ZBTB7A: variants seen among roughly 807,000 people sequenced by gnomAD.
The protein encoded by ZBTB7A is zinc finger and BTB domain-containing protein 7A.
In ZBTB7A, 7 loss-of-function variants were observed where a neutral mutation model predicts 26.7. That is an observed-to-expected ratio of 0.26 (90% CI 0.15 to 0.49). ZBTB7A has a LOEUF of 0.49. Ranked by LOEUF, ZBTB7A falls within the 20% of genes least tolerant of loss-of-function variation. The pLI, the probability that ZBTB7A is intolerant of heterozygous loss-of-function variation, is 0.98. For missense variants in ZBTB7A, 617 were observed against 919.5 expected, an observed-to-expected ratio of 0.67 and a Z score of 4.25; for synonymous variants, 452 against 441.0, an observed-to-expected ratio of 1.02 and a Z score of -0.31.
intron 1 of ZBTB7A, among the ~76,000 whole-genome samples, chr19:4,059,697 A>G (rs1261272607): frequency 2.0e-5 from 3 of 151,970 alleles, no homozygotes; most frequent in Non-Finnish European, 4.4e-5. Flanking sequence ...ACTCGCTCTG[A>G]GACAACTGAC....
rs958877531 is a variant in ZBTB7A at position 4,048,559 on chromosome 19, G to A, written c.1263-315C>T. On this transcript the variant is annotated intron_variant, in intron 2 of 2. Coordinates refer to ENST00000322357, the MANE Select transcript of ZBTB7A (RefSeq NM_015898.4). The surrounding 1 kb of genome is among the most constrained non-coding windows in gnomAD (Gnocchi z 6.7). ...AAGAGACAAAGTCTAGGCCAGGCGC[G>A]GAGGCTCAGGCCTGAAATCCCAGCA... 6.6e-6 allele frequency among the ~76,000 whole-genome samples: 1 copy of A among 152,028 alleles called. No individual in the cohort carries two copies. The highest frequency in any genetic ancestry group is 2.4e-5 in the African/African-American group (1 of 41,396).
chr19:4,064,697 G>T (rs2040674075), intron 1 of ZBTB7A, among the ~76,000 whole-genome samples: 1 of 152,136 alleles, frequency 6.6e-6, no homozygotes, highest in Admixed American at 6.5e-5. Flanking sequence ...GAGGCAGCTG[G>T]CAGGGAGGTG....
intron 2 of ZBTB7A, among the ~76,000 whole-genome samples, chr19:4,053,211 A>T (rs1475632813): frequency 1.3e-5 from 2 of 152,212 alleles, no homozygotes; most frequent in African/African-American, 4.8e-5. Context: ...CACGCTTTGC[A>T]TATGATGTGG....
At position 4,054,051 on chromosome 19, in the gene ZBTB7A, G is replaced by A. The variant is rs1386906156; in HGVS notation, c.1182C>T (p.Ala394=). 3.7e-6 allele frequency: 6 copies of A among 1,612,350 alleles called. No individual in the cohort carries two copies. The Admixed American group carries it at 6.7e-5, about 18-fold the overall frequency. ...CPICEKVIQG[A]GKLPRHIRTH... is the part of the protein sequence containing the mutation. The stretch of plus-strand genomic sequence containing the variant: ...TGCGGATGTGTCGCGGCAGCTTGCC[G>A]GCGCCCTGGATGACCTTCTCGCAGA... The change falls in exon 2 of 3, where the codon GCC becomes GCT. Residue 394 remains alanine, a synonymous_variant. Coordinates refer to ENST00000322357, the MANE Select transcript of ZBTB7A (RefSeq NM_015898.4).
rs2040547711 is a variant in ZBTB7A, at chr19:4,054,417, G to A, written c.816C>T (p.Tyr272=). Residue 272 remains tyrosine, a synonymous_variant, in exon 2 of 3, where the codon TAC becomes TAT. Coordinates refer to ENST00000322357, the MANE Select transcript of ZBTB7A (RefSeq NM_015898.4). The part of the protein sequence containing the change: ...APPAATQNGH[Y]GRGGEEEAAS... ...CGGCCTCCTCCTCTCCGCCGCGGCC[G>A]TAGTGGCCGTTCTGCGTGGCGGCCG... is the stretch of plus-strand genomic sequence containing the variant. 18 of 1,373,546 alleles carry A rather than the reference G, an allele frequency of 1.3e-5. No individual in the cohort carries two copies. The highest frequency in any genetic ancestry group is 4.7e-5 in the African/African-American group (3 of 64,340). 85.1% of individuals were successfully genotyped at this position (1,373,546 alleles called of 1,614,324 possible).
intron 1 of ZBTB7A, among the ~76,000 whole-genome samples, chr19:4,058,508 C>T (rs1460692045): frequency 6.6e-6 from 1 of 152,216 alleles, no homozygotes; most frequent in East Asian, 1.9e-4. Flanking sequence ...CCCTCTGGCC[C>T]CTGTCCCCAC....
At chr19:4,058,657 T>TGGCCTCCTCCGAAGGCCTCCTCCGAA (rs75056773) in intron 1 of ZBTB7A, among the ~76,000 whole-genome samples, 2 of 151,894 alleles carry the variant, frequency 1.3e-5, no homozygotes, top group African/African-American at 4.8e-5. Context: ...GGGCCTTTCA[T>TGGCCTCCTCCGAAGGCCTCCTCCGAA]GGCCTCCTCC....
rs1304303359 is a variant in ZBTB7A, at chr19:4,047,279, CT to C, written c.*472del. The C allele has an allele frequency of 6.6e-6, 1 of 152,228 alleles. No individual in the cohort carries two copies. Among genetic ancestry groups the C allele is most frequent in the Non-Finnish European group, 1.5e-5 (1 of 68,088 alleles). The allele number at this position is 152,228 out of a possible 1,614,324, so 9.4% of individuals were successfully genotyped here. A position where few individuals can be genotyped will look rare whatever the true frequency, so the allele number is the denominator to read the frequency against. ...AGAGCAGACAGAAATCATTTAAGGT[CT>C]TGTCTGAAAGACTCATAGAAACCAG... On this transcript the variant is annotated 3_prime_UTR_variant, in exon 3 of 3. Coordinates refer to ENST00000322357, the MANE Select transcript of ZBTB7A (RefSeq NM_015898.4).
chr19:4,045,864 TAC>T lies in ZBTB7A; in HGVS notation c.*1886_*1887del. ...GAGGCAGGTCCCAGTCCCCCTGGAT[TAC>T]AGTCAGTGCCTTTGAGTAAAAAGAG... On this transcript the variant is annotated 3_prime_UTR_variant, in exon 3 of 3. Coordinates refer to ENST00000322357, the MANE Select transcript of ZBTB7A (RefSeq NM_015898.4). The surrounding 1 kb of genome is among the most constrained non-coding windows in gnomAD (Gnocchi z 4.1). 2.5e-6 allele frequency: 1 copy of T among 398,620 alleles called. No individual in the cohort carries two copies. Among genetic ancestry groups the T allele is most frequent in the East Asian group, 3.6e-5 (1 of 28,056 alleles). 24.7% of individuals were successfully genotyped at this position (398,620 alleles called of 1,614,324 possible).
intron 1 of ZBTB7A, among the ~76,000 whole-genome samples, chr19:4,058,506 C>A (rs1332658124): frequency 6.6e-6 from 1 of 152,108 alleles, no homozygotes. Flanking sequence ...AACCCTCTGG[C>A]CCCTGTCCCC....
intron 1 of ZBTB7A, among the ~76,000 whole-genome samples, chr19:4,055,692 G>C (rs1006680340): frequency 6.6e-6 from 1 of 152,092 alleles, no homozygotes; most frequent in Non-Finnish European, 1.5e-5. Context: ...GCGTGTTGGC[G>C]GGGGCCTGTA....
At chr19:4,058,963 C>T (rs1245571803) in intron 1 of ZBTB7A, among the ~76,000 whole-genome samples, 1 of 152,220 alleles carries the variant, frequency 6.6e-6, no homozygotes, top group Non-Finnish European at 1.5e-5. Context: ...GGGCGGTGGG[C>T]TCAGATGTGG....
At chr19:4,064,777 C>T (rs1253959194) in intron 1 of ZBTB7A, among the ~76,000 whole-genome samples, 1 of 152,184 alleles carries the variant, frequency 6.6e-6, no homozygotes, top group South Asian at 2.1e-4. Context: ...GGCACCAGCA[C>T]CTCTGTGACT....
At chr19:4,055,277 G>C in intron 1 of ZBTB7A, 30 bp from the exon 2 acceptor site, 2 of 1,442,282 alleles carry the variant, frequency 1.4e-6, no homozygotes, top group Non-Finnish European at 1.8e-6. Flanking sequence ...GAGGGCGCTC[G>C]TGAGTGGGGG....
At chr19:4,050,339 G>A (rs2040488211) in intron 2 of ZBTB7A, among the ~76,000 whole-genome samples, 3 of 152,146 alleles carry the variant, frequency 2.0e-5, no homozygotes, top group Admixed American at 2.0e-4. Flanking sequence ...GGGATTACAG[G>A]CGTGAGCCAC....
chr19:4,058,689 C>T (rs2040609077), intron 1 of ZBTB7A, among the ~76,000 whole-genome samples: 1 of 133,610 alleles, frequency 7.5e-6, no homozygotes, highest in South Asian at 2.3e-4. Context: ...CCCTCCTGTC[C>T]CCCAGCCCAG....
rs770017071 is a variant in ZBTB7A at position 4,054,541 on chromosome 19, G to A, written c.692C>T (p.Thr231Met). 58 of 1,455,892 alleles carry A rather than the reference G, an allele frequency of 4.0e-5. No homozygotes were observed. In the South Asian group the frequency reaches 4.0e-4, roughly 10 times the overall value. 90.2% of individuals were successfully genotyped at this position (1,455,892 alleles called of 1,614,324 possible). A position where few individuals can be genotyped will look rare whatever the true frequency, so the allele number is the denominator to read the frequency against. ...GPGPPAERPP[T>M]GDGDEGDSNP... ...GCTGTCGCCCTCGTCCCCGTCCCCC[G>A]TCGGGGGCCGCTCGGCCGGGGGGCC... The change falls in exon 2 of 3, where the codon ACG (threonine) becomes ATG (methionine). Residue 231 changes from threonine to methionine, a missense_variant. Physicochemically the swap from Thr to Met is moderately conservative, Grantham distance 81. Transcript: ENST00000322357.
intron 2 of ZBTB7A, among the ~76,000 whole-genome samples, chr19:4,053,569 G>T (rs1203375116): frequency 6.6e-6 from 1 of 150,856 alleles, no homozygotes; most frequent in African/African-American, 2.4e-5. Flanking sequence ...GCGTGTGTGT[G>T]CGCGCATGTC....
At chr19:4,051,666 C>A (rs993562518) in intron 2 of ZBTB7A, among the ~76,000 whole-genome samples, 1 of 152,260 alleles carries the variant, frequency 6.6e-6, no homozygotes, top group Admixed American at 6.5e-5. Flanking sequence ...TTACTGATCA[C>A]CTTCTGCAAA....
Sources: gnomAD v4.1 joint callset for allele counts (sites outside exome capture counted in the v4.1 genomes callset) on GRCh38, gnomAD v4.1.1 for gene constraint, Gnocchi (gnomAD v3.1) non-coding constraint, MANE v1.5 for transcripts, NCBI Gene and HGNC (gene_info 2026-07-23, HGNC 2026-07-21) for gene names.